The following CPNE6 variants were observed in gnomAD, a reference collection of about 807,000 sequenced individuals.
The protein encoded by CPNE6 is copine 6.
Under a neutral mutation model 71.5 loss-of-function variants are expected in CPNE6, and 33 were observed. That is an observed-to-expected ratio of 0.46 (90% CI 0.35 to 0.62). The LOEUF is 0.62. Ranked by LOEUF, CPNE6 falls within the 20% of genes least tolerant of loss-of-function variation. The probability of loss-of-function intolerance (pLI) is 0.00; values close to 1 mark genes in which losing one functional copy is unlikely to be tolerated. For synonymous variants in CPNE6, 296 were observed against 293.0 expected (o/e 1.01, Z -0.10); for missense variants, 576 against 747.3 (o/e 0.77, Z 2.67).
In CPNE6 at chr14:24,073,643, A is replaced by G; in HGVS notation, c.313A>G (p.Thr105Ala). Reference sequence around the variant, plus strand: ...CGGAGCCACCAGCCCCCGAAATGATACCTTCCTCGGCTCTACGGAGTGCAC... The same window carrying G: ...CGGAGCCACCAGCCCCCGAAATGATGCCTTCCTCGGCTCTACGGAGTGCAC... The change falls in exon 4 of 18, where the codon ACC becomes GCC. Residue 105 changes from threonine to alanine, a missense_variant. Coordinates refer to ENST00000397016, the Ensembl canonical transcript of CPNE6. This position sits in a 1 kb window ranked among gnomAD's most constrained non-coding sequence, Gnocchi z 5.5. 6.2e-7 allele frequency: 1 copy of G among 1,613,676 alleles called. No individual in the cohort carries two copies. Among genetic ancestry groups the G allele is most frequent in the Admixed American group, 1.7e-5 (1 of 60,008 alleles).
chr14:24,076,703 C>T, intron 14 of CPNE6, 146 bp downstream of exon 13: 1 of 1,435,652 alleles, frequency 7.0e-7, no homozygotes, highest in Non-Finnish European at 9.6e-7. Context: ...AGGGCCGAGG[C>T]CCAGCATCTG....
intron 2 of CPNE6, 132 bp from the exon 2 acceptor site, chr14:24,072,801 C>A: frequency 1.3e-6 from 1 of 751,814 alleles, no homozygotes; most frequent in Non-Finnish European, 1.9e-6. Flanking sequence ...GCTGAGGAAG[C>A]AGGAGGTCCG....
At position 24,075,367 on chromosome 14, in the gene CPNE6, A is replaced by G; in HGVS notation, c.777+91A>G. 1 of 1,401,390 alleles carries G rather than the reference A, an allele frequency of 7.1e-7. No individual in the cohort carries two copies. Among genetic ancestry groups the G allele is most frequent in the Non-Finnish European group, 1.0e-6 (1 of 987,656 alleles). 86.8% of individuals were successfully genotyped at this position (1,401,390 alleles called of 1,614,324 possible). A position where few individuals can be genotyped will look rare whatever the true frequency, so the allele number is the denominator to read the frequency against. ...GAAGAGACCACCATAGGTGATAGGA[A>G]GTGGAGAGGGTGGAAAGCACCTGGG... On this transcript the variant is annotated intron_variant, in intron 9 of 17. Coordinates refer to ENST00000397016, the Ensembl canonical transcript of CPNE6. The surrounding 1 kb of genome is among the most constrained non-coding windows in gnomAD (Gnocchi z 4.3).
chr14:24,071,510 C>CA (rs375919862), intron 1 of CPNE6, 52 bp from the exon 1 acceptor site: 91 of 1,492,628 alleles, frequency 6.1e-5, no homozygotes, highest in Non-Finnish European at 7.6e-5. Flanking sequence ...CGCCCCCCCC[C>CA]ACCCCTCCCC....
rs760114430 is a variant in CPNE6 at position 24,074,062 on chromosome 14, A to G, written c.360A>G (p.Gln120=). Residue 120 remains glutamine (Q), a synonymous_variant, in exon 5 of 18, where the codon CAA becomes CAG. Transcript: ENST00000397016. The surrounding 1 kb of genome is among the most constrained non-coding windows in gnomAD (Gnocchi z 4.5). ...ACCTCCATCCCCAGATTGTGTCACA[A>G]ACCAAGGTCACTAAGCCATTATTGC... 1.2e-6 allele frequency: 2 copies of G among 1,614,164 alleles called. No individual in the cohort carries two copies. Among genetic ancestry groups the G allele is most frequent in the Admixed American group, 3.3e-5 (2 of 60,028 alleles).
intron 1 of CPNE6, 154 bp from the exon 1 acceptor site, chr14:24,071,408 C>G: frequency 6.9e-7 from 1 of 1,456,064 alleles, no homozygotes; most frequent in Non-Finnish European, 9.0e-7. Flanking sequence ...GCCTGCCCTC[C>G]TCCCCCGGTT....
rs1483417495 is a variant in CPNE6, at chr14:24,076,430, G to C, written c.1113+16G>C. Reference sequence around the variant, plus strand: ...CAACTTCGAGGTAGGCTAGATGCGAGGGAAAGAAGGAGATGGGGGGCGTGT... The same window carrying C: ...CAACTTCGAGGTAGGCTAGATGCGACGGAAAGAAGGAGATGGGGGGCGTGT... On this transcript the variant is annotated intron_variant, in intron 13 of 17. Transcript: ENST00000397016. The C allele has an allele frequency of 3.1e-6, 5 of 1,614,118 alleles. No individual in the cohort carries two copies. The African/African-American group carries it at 6.7e-5, about 22-fold the overall frequency.
In CPNE6 at chr14:24,074,037, A is replaced by C; in HGVS notation, c.349-14A>C. The C allele has an allele frequency of 6.2e-7, 1 of 1,612,014 alleles. No homozygotes were observed. Among genetic ancestry groups the C allele is most frequent in the Non-Finnish European group, 8.5e-7 (1 of 1,178,144 alleles). ...GGATGTCACAGCTGGGTCTCCCTCC[A>C]CCTCCATCCCCAGATTGTGTCACAA... On this transcript the variant is annotated splice_polypyrimidine_tract_variant and intron_variant, in intron 4 of 17. Transcript: ENST00000397016. The surrounding 1 kb of genome is among the most constrained non-coding windows in gnomAD (Gnocchi z 4.5).
Position 24,075,269 on chromosome 14 carries a change from G to A in CPNE6, c.770G>A (p.Gly257Glu). The change falls in exon 9 of 18, where the codon GGG (glycine) becomes GAG (glutamate). Residue 257 changes from glycine to glutamate, a missense_variant. Gly to Glu is a moderately conservative substitution (Grantham distance 98). Coordinates refer to ENST00000397016, the Ensembl canonical transcript of CPNE6. The surrounding 1 kb of genome is among the most constrained non-coding windows in gnomAD (Gnocchi z 4.3). ...ATGCAGGAAGGGACGGCAAACCCTG[G>A]GCAGGAGGTGCCACAAATACCCCAC... 1 of 1,613,860 alleles carries A rather than the reference G, an allele frequency of 6.2e-7. No individual in the cohort carries two copies. Among genetic ancestry groups the A allele is most frequent in the Non-Finnish European group, 8.5e-7 (1 of 1,179,760 alleles).
At position 24,073,516 on chromosome 14, in the gene CPNE6, G is replaced by A; in HGVS notation, c.186G>A (p.Val62=). The change falls in exon 4 of 18, where the codon GTG becomes GTA. Residue 62 remains valine, a synonymous_variant. Transcript: ENST00000397016. This position sits in a 1 kb window ranked among gnomAD's most constrained non-coding sequence, Gnocchi z 5.5. The stretch of plus-strand genomic sequence containing the variant: ...TACCACAGGTAGAGCGCACAGAGGT[G>A]CTTCGCTCCTGTTCCAGCCCTGTCT... The A allele has an allele frequency of 2.5e-6, 4 of 1,613,616 alleles. No homozygotes were observed. The highest frequency in any genetic ancestry group is 3.4e-6 in the Non-Finnish European group (4 of 1,179,974).
exon 14 of CPNE6, chr14:24,076,524 A>G (rs1266318231): frequency 1.2e-6 from 2 of 1,613,986 alleles, no homozygotes; most frequent in East Asian, 2.2e-5. Flanking sequence ...TGACTTTGCT[A>G]TCAACTTTGA....
At position 24,073,409 on chromosome 14, in the gene CPNE6, G is replaced by A; in HGVS notation, c.169-90G>A. On this transcript the variant is annotated intron_variant, in intron 3 of 17. Coordinates refer to ENST00000397016, the Ensembl canonical transcript of CPNE6. The surrounding 1 kb of genome is among the most constrained non-coding windows in gnomAD (Gnocchi z 5.5). ...GGTTGCTGGGGACGTGGGGGCCCAA[G>A]AAGAGCTGGCATGACTAGGGCAGTC... The A allele has an allele frequency of 7.0e-7, 1 of 1,419,888 alleles. No individual in the cohort carries two copies. Among genetic ancestry groups the A allele is most frequent in the Non-Finnish European group, 9.6e-7 (1 of 1,046,382 alleles). 88.0% of individuals were successfully genotyped at this position (1,419,888 alleles called of 1,614,324 possible).
chr14:24,074,650 G>A lies in CPNE6; in HGVS notation c.582+36G>A. The A allele has an allele frequency of 6.2e-7, 1 of 1,613,702 alleles. No homozygotes were observed. The highest frequency in any genetic ancestry group is 8.5e-7 in the Non-Finnish European group (1 of 1,179,586). On this transcript the variant is annotated intron_variant, in intron 7 of 17. Transcript: ENST00000397016. This position sits in a 1 kb window ranked among gnomAD's most constrained non-coding sequence, Gnocchi z 4.5. The stretch of plus-strand genomic sequence containing the variant: ...GGGGCTATGGGGATGAAGGGAGGGA[G>A]AGTAAAGTAAGAAGACACAGACAGG...
In CPNE6 at chr14:24,075,921, G is replaced by A. The variant is rs771529736; in HGVS notation, c.924+35G>A. 1.2e-6 allele frequency: 2 copies of A among 1,610,960 alleles called. No homozygotes were observed. The highest frequency in any genetic ancestry group is 2.2e-5 in the South Asian group (2 of 90,980). ...CAGAGGGAGGGCACACAGGCAAGAGGGAGGGGCTGAGTCCATAGTGAAAGG... is the reference window on the plus strand; with the variant it reads ...CAGAGGGAGGGCACACAGGCAAGAGAGAGGGGCTGAGTCCATAGTGAAAGG... On this transcript the variant is annotated intron_variant, in intron 11 of 17. Coordinates refer to ENST00000397016, the Ensembl canonical transcript of CPNE6. This position sits in a 1 kb window ranked among gnomAD's most constrained non-coding sequence, Gnocchi z 4.3.
rs1198794478 is a variant in CPNE6 at position 24,075,104 on chromosome 14, C to G, written c.673-68C>G. The G allele has an allele frequency of 1.6e-5, 18 of 1,120,990 alleles. No individual in the cohort carries two copies. Among genetic ancestry groups the G allele is most frequent in the Non-Finnish European group, 2.3e-5 (17 of 731,486 alleles). 69.4% of individuals were successfully genotyped at this position (1,120,990 alleles called of 1,614,324 possible). A position where few individuals can be genotyped will look rare whatever the true frequency, so the allele number is the denominator to read the frequency against. On this transcript the variant is annotated intron_variant, in intron 8 of 17. Coordinates refer to ENST00000397016, the Ensembl canonical transcript of CPNE6. This position sits in a 1 kb window ranked among gnomAD's most constrained non-coding sequence, Gnocchi z 4.3. ...GTCCCCCTACTCCAAGTCCCCGAGT[C>G]CCCCTACTCACCGTGAATACCGCAG...
chr14:24,076,395 G>A (rs763817479), exon 13 of CPNE6: 7 of 1,614,150 alleles, frequency 4.3e-6, no homozygotes, highest in Non-Finnish European at 5.9e-6. Context: ...TTTGGGGCTC[G>A]AATCCCCCCC....
chr14:24,071,095 T>A, intron 1 of CPNE6: 1 of 1,436,472 alleles, frequency 7.0e-7, no homozygotes, highest in Non-Finnish European at 9.5e-7. Flanking sequence ...ACTGCAGATA[T>A]CCTTAGCTAG....
chr14:24,073,227 C>A lies in CPNE6; in HGVS notation c.168+123C>A. The A allele has an allele frequency of 8.9e-7, 1 of 1,118,786 alleles. No individual in the cohort carries two copies. The highest frequency in any genetic ancestry group is 2.1e-5 in the South Asian group (1 of 47,824). The allele number at this position is 1,118,786 out of a possible 1,614,324, so 69.3% of individuals were successfully genotyped here. ...GGACTCTGCGGCGCCTTCTCGAGGCCGCTTGGGTACCCTGGAGATGGTGTC... is the reference window on the plus strand; with the variant it reads ...GGACTCTGCGGCGCCTTCTCGAGGCAGCTTGGGTACCCTGGAGATGGTGTC... On this transcript the variant is annotated intron_variant, in intron 3 of 17. Transcript: ENST00000397016. This position sits in a 1 kb window ranked among gnomAD's most constrained non-coding sequence, Gnocchi z 5.5.
In CPNE6 at chr14:24,075,105, C is replaced by T. The variant is rs2036017786; in HGVS notation, c.673-67C>T. 1 of 1,139,000 alleles carries T rather than the reference C, an allele frequency of 8.8e-7. No homozygotes were observed. The highest frequency in any genetic ancestry group is 1.3e-6 in the Non-Finnish European group (1 of 747,372). The allele number at this position is 1,139,000 out of a possible 1,614,324, so 70.6% of individuals were successfully genotyped here. A position where few individuals can be genotyped will look rare whatever the true frequency, so the allele number is the denominator to read the frequency against. On this transcript the variant is annotated intron_variant, in intron 8 of 17. Coordinates refer to ENST00000397016, the Ensembl canonical transcript of CPNE6. The surrounding 1 kb of genome is among the most constrained non-coding windows in gnomAD (Gnocchi z 4.3). ...TCCCCCTACTCCAAGTCCCCGAGTC[C>T]CCCTACTCACCGTGAATACCGCAGA...
Sources: allele counts gnomAD v4.1 joint callset, GRCh38; gene constraint gnomAD v4.1.1; non-coding constraint Gnocchi (gnomAD v3.1); transcripts MANE v1.5; gene names NCBI Gene and HGNC (gene_info 2026-07-23, HGNC 2026-07-21).